Variants in RNF114 observed in about 807,000 individuals in gnomAD.
RNF114 encodes the protein ring finger protein 114, also known as E3 ubiquitin-protein ligase RNF114.
In RNF114, 6 loss-of-function variants were observed where a neutral mutation model predicts 28.4. The observed-to-expected ratio is 0.21, with a 90% CI of 0.12 to 0.42. The LOEUF (loss-of-function observed/expected upper bound fraction) is 0.42. Ranked by LOEUF, RNF114 falls within the 10% of genes least tolerant of loss-of-function variation. The probability of loss-of-function intolerance (pLI) is 1.00; values close to 1 mark genes in which losing one functional copy is unlikely to be tolerated. For missense variants in RNF114, 249 were observed against 311.7 expected, an observed-to-expected ratio of 0.80 and a Z score of 1.51; for synonymous variants, 115 against 116.7, an observed-to-expected ratio of 0.99 and a Z score of 0.09.
Position 49,941,545 on chromosome 20 carries a change from G to C in RNF114, c.141-16G>C, listed in dbSNP as rs2090307624. On this transcript the variant is annotated splice_polypyrimidine_tract_variant and intron_variant, in intron 1 of 5. Transcript: ENST00000244061. ...CCATGATGCGTGACAGAGGTTCTCTGTATGTCTTGTTCTAGCTTTTGCTCT... is the reference window on the plus strand; with the variant it reads ...CCATGATGCGTGACAGAGGTTCTCTCTATGTCTTGTTCTAGCTTTTGCTCT... The C allele has an allele frequency of 6.4e-7, 1 of 1,570,056 alleles. No homozygotes were observed. Among genetic ancestry groups the C allele is most frequent in the Non-Finnish European group, 8.7e-7 (1 of 1,155,480 alleles).
intron 2 of RNF114, among the ~76,000 whole-genome samples, chr20:49,942,258 T>TA (rs982364077): frequency 1.3e-5 from 2 of 151,344 alleles, no homozygotes; most frequent in Non-Finnish European, 3.0e-5. Flanking sequence ...CCCTGTCTCT[T>TA]AAAAAAAAGT....
chr20:49,949,083 T>C (rs73129295), intron 4 of RNF114, among the ~76,000 whole-genome samples, 165 bp from the exon 5 acceptor site: 3,545 of 152,178 alleles, frequency 0.023, 51 homozygotes, highest in East Asian at 0.035. Flanking sequence ...GAGCTGGAAA[T>C]TTGCAGTGTT....
rs754854409 is a variant in RNF114, at chr20:49,936,589, A to G, written c.140+37A>G. On this transcript the variant is annotated intron_variant, in intron 1 of 5. Coordinates refer to ENST00000244061, the MANE Select transcript of RNF114 (RefSeq NM_018683.4). Reference sequence around the variant, plus strand: ...GCCCGGGCCTGGTCGGGGGGCGCTTAACTGGGAAGGGAATGGAGCCGAGGA... The same window carrying G: ...GCCCGGGCCTGGTCGGGGGGCGCTTGACTGGGAAGGGAATGGAGCCGAGGA... 5.7e-6 allele frequency: 9 copies of G among 1,568,028 alleles called. 1 individual carries two copies. The South Asian group carries it at 1.1e-4, about 18-fold the overall frequency.
Position 49,936,560 on chromosome 20 carries a change from G to C in RNF114, c.140+8G>C, listed in dbSNP as rs1191448896. The C allele has an allele frequency of 1.3e-6, 2 of 1,582,162 alleles. No homozygotes were observed. The highest frequency in any genetic ancestry group is 2.7e-5 in the African/African-American group (2 of 72,758). ...GGTGCCCTGCGGACACGTGTAAGCG[G>C]CGAGCCCGGGCCTGGTCGGGGGGCG... On this transcript the variant is annotated splice_region_variant and intron_variant, in intron 1 of 5. Transcript: ENST00000244061.
At chr20:49,949,906 G>A (rs1056626582) in intron 5 of RNF114, among the ~76,000 whole-genome samples, 1 of 151,228 alleles carries the variant, frequency 6.6e-6, no homozygotes, top group Admixed American at 6.6e-5. Context: ...GCCTCCCAAA[G>A]TGTTGGGATT....
At chr20:49,951,477 C>T (rs539321132) in intron 5 of RNF114, among the ~76,000 whole-genome samples, 1 of 152,112 alleles carries the variant, frequency 6.6e-6, no homozygotes, top group Non-Finnish European at 1.5e-5. Context: ...TGCTCTGTTC[C>T]GACAGACTTA....
At chr20:49,945,319 G>T (rs2146857120) in intron 2 of RNF114, 63 bp from the exon 3 acceptor site, 1 of 976,662 alleles carries the variant, frequency 1.0e-6, no homozygotes, top group South Asian at 1.3e-5. Context: ...CCTTGTTTGG[G>T]ACTATATTTT....
chr20:49,946,042 G>A (rs921281207), intron 3 of RNF114, 94 bp from the exon 4 acceptor site: 10 of 603,582 alleles, frequency 1.7e-5, no homozygotes, highest in Non-Finnish European at 2.6e-5. Flanking sequence ...CACATTTGGT[G>A]AGCTTTGCTC....
chr20:49,947,769 G>GTTTTTTTTTGTTTTGTTTTTTT (rs2090338798), intron 4 of RNF114, among the ~76,000 whole-genome samples: 2 of 50,422 alleles, frequency 4.0e-5, no homozygotes, highest in African/African-American at 1.7e-4. Flanking sequence ...CCCTCTGCAA[G>GTTTTTTTTTGTTTTGTTTTTTT]TTTTTTTTTT....
chr20:49,949,337 T>C lies in RNF114; in HGVS notation c.603T>C (p.Phe201=). 6.2e-7 allele frequency: 1 copy of C among 1,613,926 alleles called. No homozygotes were observed. Among genetic ancestry groups the C allele is most frequent in the Non-Finnish European group, 8.5e-7 (1 of 1,180,004 alleles). ...AGCACATCCAGCGCCGGCACCGGTTTTCTTATGACACTTTTGTGGTAAGTC... is the reference window on the plus strand; with the variant it reads ...AGCACATCCAGCGCCGGCACCGGTTCTCTTATGACACTTTTGTGGTAAGTC... ...FREHIQRRHR[F]SYDTFVDYDV... The change falls in exon 5 of 6, where the codon TTT becomes TTC. Residue 201 remains phenylalanine, a synonymous_variant. Transcript: ENST00000244061.
At chr20:49,946,401 C>G (rs766277855) in intron 4 of RNF114, 151 bp downstream of exon 4, 6 of 551,790 alleles carry the variant, frequency 1.1e-5, no homozygotes, top group Non-Finnish European at 1.9e-5. Context: ...TAACCATGCT[C>G]TATAGTACAC....
chr20:49,949,005 A>G (rs2090345646), intron 4 of RNF114, among the ~76,000 whole-genome samples: 1 of 152,214 alleles, frequency 6.6e-6, no homozygotes, highest in Non-Finnish European at 1.5e-5. Context: ...TTCTCTGCTT[A>G]CAGTAGGGAA....
intron 5 of RNF114, 56 bp from the exon 6 acceptor site, chr20:49,952,020 C>A: frequency 7.3e-7 from 1 of 1,362,162 alleles, no homozygotes; most frequent in Non-Finnish European, 1.0e-6. Flanking sequence ...CTACTGAAAG[C>A]CAGTCTTTGC....
At chr20:49,948,732 C>T (rs139712056) in intron 4 of RNF114, among the ~76,000 whole-genome samples, 114 of 152,196 alleles carry the variant, frequency 7.5e-4, no homozygotes, top group East Asian at 5.4e-3. Context: ...CCACTGTGCC[C>T]GGCCTGGAGC....
Position 49,953,793 on chromosome 20 carries a change from T to A in RNF114, c.*1652T>A, listed in dbSNP as rs2090365821. On this transcript the variant is annotated 3_prime_UTR_variant, in exon 6 of 6. Coordinates refer to ENST00000244061, the MANE Select transcript of RNF114 (RefSeq NM_018683.4). ...TTCCTTGTATTAAGTGCACTTCTTG[T>A]ATTTCTAATAAGATGACTTTCCAGA... 1.3e-5 allele frequency: 2 copies of A among 152,226 alleles called. No homozygotes were observed. The highest frequency in any genetic ancestry group is 1.3e-4 in the Admixed American group (2 of 15,288). 9.4% of individuals were successfully genotyped at this position (152,226 alleles called of 1,614,324 possible). A position where few individuals can be genotyped will look rare whatever the true frequency, so the allele number is the denominator to read the frequency against.
rs549059024 is a variant in RNF114, at chr20:49,941,628, G to A, written c.208G>A (p.Ala70Thr). ...GCCTGTCTGTGGGGTGTGTCGCAGCGCTCTGGCACCTGGCGTCCGAGCCGT... is the reference window on the plus strand; with the variant it reads ...GCCTGTCTGTGGGGTGTGTCGCAGCACTCTGGCACCTGGCGTCCGAGCCGT... ...KKPVCGVCRS[A>T]LAPGVRAVEL... The change falls in exon 2 of 6, where the codon GCT (alanine) becomes ACT (threonine). Residue 70 changes from alanine (A) to threonine (T), a missense_variant. By Grantham distance (58) the Ala-to-Thr change is moderately conservative. Transcript: ENST00000244061. The A allele has an allele frequency of 1.9e-6, 3 of 1,612,788 alleles. No homozygotes were observed. The highest frequency in any genetic ancestry group is 1.7e-5 in the Admixed American group (1 of 59,920).
At chr20:49,946,015 C>A (rs1430698959) in intron 3 of RNF114, 121 bp from the exon 4 acceptor site, 3 of 567,500 alleles carry the variant, frequency 5.3e-6, no homozygotes, top group Non-Finnish European at 9.4e-6. Context: ...AAGTGATCAT[C>A]AGCATCCTTA....
At chr20:49,936,846 C>T (rs2090289214) in intron 1 of RNF114, among the ~76,000 whole-genome samples, 1 of 152,210 alleles carries the variant, frequency 6.6e-6, no homozygotes, top group African/African-American at 2.4e-5. Flanking sequence ...TGATAGTGGA[C>T]TCGTGCCCTG....
chr20:49,950,167 G>C (rs929568119), intron 5 of RNF114, among the ~76,000 whole-genome samples: 1 of 151,860 alleles, frequency 6.6e-6, no homozygotes, highest in Non-Finnish European at 1.5e-5. Flanking sequence ...CAGGAGAATC[G>C]CTTGAACCTG....
Sources: allele counts gnomAD v4.1 joint callset (sites outside exome capture counted in the v4.1 genomes callset), GRCh38; gene constraint gnomAD v4.1.1; transcripts MANE v1.5; gene names NCBI Gene and HGNC (gene_info 2026-07-23, HGNC 2026-07-21).